Variants in PTPRT observed in about 807,000 individuals in gnomAD.
PTPRT encodes receptor-type tyrosine-protein phosphatase T.
A neutral mutation model predicts 176.8 loss-of-function variants in PTPRT; 56 were observed. The ratio of observed to expected loss-of-function variants is 0.32; its 90% CI spans 0.26 to 0.40. The LOEUF (loss-of-function observed/expected upper bound fraction) is 0.40, where lower values mean the gene tolerates loss of function less well. PTPRT is among the 10% of genes least tolerant of loss of function. The pLI is 1.00. For synonymous variants in PTPRT, 783 were observed against 739.0 expected (o/e 1.06, Z -0.96); for missense variants, 1,540 against 1,908.2 (o/e 0.81, Z 3.60).
chr20:42,275,114 G>T (rs1445752173), intron 13 of PTPRT, among the ~76,000 whole-genome samples: 1 of 152,136 alleles, frequency 6.6e-6, no homozygotes, highest in Non-Finnish European at 1.5e-5. Flanking sequence ...TAAGTGTCAG[G>T]CTTTACTTCT....
At chr20:42,333,598 C>G (rs546691446) in intron 11 of PTPRT, among the ~76,000 whole-genome samples, 2 of 152,050 alleles carry the variant, frequency 1.3e-5, no homozygotes, top group Non-Finnish European at 2.9e-5. Context: ...TCCCAAAGTG[C>G]TGGGATTAGA....
intron 7 of PTPRT, among the ~76,000 whole-genome samples, chr20:42,575,382 G>T (rs6016832): frequency 1.3e-5 from 2 of 152,204 alleles, no homozygotes; most frequent in African/African-American, 4.8e-5. Flanking sequence ...CAAAGTGGCA[G>T]GGCTCAGTTA....
rs555535996 is a variant in PTPRT at position 43,048,721 on chromosome 20, C to A, written c.88+140925G>T. Among the ~76,000 whole-genome samples the A allele has an allele frequency of 8.5e-5, 13 of 152,204 alleles. No individual in the cohort carries two copies. The South Asian group carries it at 2.7e-3, about 32-fold the overall frequency. On this transcript the variant is annotated intron_variant, in intron 1 of 30. Transcript: ENST00000373187. The stretch of plus-strand genomic sequence containing the variant: ...AATGTTTCTGCTTTTATTTTTCTGG[C>A]GATAGTGAATTTCTAATGTATTTTT...
intron 1 of PTPRT, among the ~76,000 whole-genome samples, chr20:43,120,268 C>G (rs2013209589): frequency 7.2e-6 from 1 of 138,778 alleles, no homozygotes; most frequent in Admixed American, 7.7e-5. Flanking sequence ...CCTACCACTT[C>G]CAGATCCAGT....
intron 7 of PTPRT, among the ~76,000 whole-genome samples, chr20:42,568,043 C>G (rs1341225605): frequency 1.3e-5 from 2 of 151,088 alleles, no homozygotes; most frequent in Admixed American, 6.6e-5. Flanking sequence ...GATCTTGGCT[C>G]ACTGCAACCG....
chr20:42,966,569 T>C (rs1025823365), intron 1 of PTPRT: 2 of 152,180 alleles, frequency 1.3e-5, no homozygotes, highest in African/African-American at 4.8e-5. Flanking sequence ...CAACTTATAG[T>C]AGAAACTCTG....
intron 16 of PTPRT, among the ~76,000 whole-genome samples, chr20:42,164,094 T>C (rs6030019): frequency 0.31 from 46,815 of 152,092 alleles, 9,539 homozygotes; most frequent in African/African-American, 0.57. Flanking sequence ...ATGATTTCTA[T>C]GAAAGGATGA....
Position 43,030,505 on chromosome 20 carries a change from CAA to C in PTPRT, c.89-144575_89-144574del, listed in dbSNP as rs35791318. 3.9e-3 allele frequency among the ~76,000 whole-genome samples: 461 copies of C among 119,708 alleles called. 1 individual carries two copies. Among genetic ancestry groups the C allele is most frequent in the African/African-American group, 9.5e-3 (350 of 36,668 alleles). 78.5% of individuals were successfully genotyped at this position (119,708 alleles called of 152,430 possible). A position where few individuals can be genotyped will look rare whatever the true frequency, so the allele number is the denominator to read the frequency against. ...AAAAGGGGGAAAGGGCATTTCAGAA[CAA>C]AAAAAAAAAAAAATGGCATAAGCCA... On this transcript the variant is annotated intron_variant, in intron 1 of 30. Coordinates refer to ENST00000373187, the MANE Select transcript of PTPRT (RefSeq NM_007050.6).
At chr20:42,543,119 A>G (rs6102897) in intron 7 of PTPRT, among the ~76,000 whole-genome samples, 22,485 of 152,184 alleles carry the variant, frequency 0.15, 1,860 homozygotes, top group East Asian at 0.21. Context: ...GTTTTTAAAA[A>G]TAAAACAACA....
intron 7 of PTPRT, among the ~76,000 whole-genome samples, chr20:42,521,280 T>C (rs1005373000): frequency 6.6e-6 from 1 of 152,136 alleles, no homozygotes; most frequent in Non-Finnish European, 1.5e-5. Flanking sequence ...AATTTAGGAC[T>C]ACAAGTTCTC....
the PTPRT span, among the ~76,000 whole-genome samples, chr20:42,059,783 A>AT: frequency 1.3e-5 from 2 of 152,312 alleles, no homozygotes; most frequent in South Asian, 4.2e-4. Flanking sequence ...GAGAAAAGTC[A>AT]TTCCCGAGAA....
chr20:42,744,977 T>TGCTTGGTGGGC (rs1440559891), intron 6 of PTPRT, among the ~76,000 whole-genome samples: 3 of 152,200 alleles, frequency 2.0e-5, no homozygotes, highest in Non-Finnish European at 4.4e-5. Context: ...GAGGCACATG[T>TGCTTGGTGGGC]GCTTGGTGGG....
At chr20:42,225,240 ATCTCTCC>A (rs756518489) in intron 15 of PTPRT, among the ~76,000 whole-genome samples, 2 of 151,376 alleles carry the variant, frequency 1.3e-5, no homozygotes, top group African/African-American at 4.9e-5. Context: ...GTTACAATTG[ATCTCTCC>A]TCTCTCCTCT....
intron 7 of PTPRT, among the ~76,000 whole-genome samples, chr20:42,569,081 A>AATATATAT: frequency 0.017 from 509 of 30,794 alleles, 21 homozygotes; most frequent in Non-Finnish European, 0.021. Flanking sequence ...AAAAAAAAAA[A>AATATATAT]ATATATATAT....
At chr20:42,492,091 T>A (rs2071570101) in intron 7 of PTPRT, among the ~76,000 whole-genome samples, 1 of 152,222 alleles carries the variant, frequency 6.6e-6, no homozygotes, top group Admixed American at 6.5e-5. Flanking sequence ...TTCACTCATT[T>A]AAGGACATTT....
chr20:42,132,096 T>C (rs1988151409), intron 18 of PTPRT, among the ~76,000 whole-genome samples: 1 of 152,216 alleles, frequency 6.6e-6, no homozygotes, highest in Non-Finnish European at 1.5e-5. Flanking sequence ...GGCAGCCTAA[T>C]ACAGTGTTTC....
At chr20:42,678,688 T>C (rs1054432958) in intron 6 of PTPRT, among the ~76,000 whole-genome samples, 1 of 152,226 alleles carries the variant, frequency 6.6e-6, no homozygotes, top group African/African-American at 2.4e-5. Flanking sequence ...AATAGCTATA[T>C]TCAATGCCTA....
At chr20:42,117,074 G>A (rs34817697) in intron 21 of PTPRT, among the ~76,000 whole-genome samples, 2,260 of 152,182 alleles carry the variant, frequency 0.015, 36 homozygotes, top group Admixed American at 0.022. Context: ...GCTGAGTGAC[G>A]TCAGGGTAGG....
chr20:43,022,610 T>G (rs1251997274), intron 1 of PTPRT, among the ~76,000 whole-genome samples: 1 of 152,198 alleles, frequency 6.6e-6, no homozygotes, highest in Non-Finnish European at 1.5e-5. Flanking sequence ...GAGCTGAGCA[T>G]GCTGGGAAGA....
Sources: gnomAD v4.1 joint callset for allele counts (sites outside exome capture counted in the v4.1 genomes callset) on GRCh38, gnomAD v4.1.1 for gene constraint, MANE v1.5 for transcripts, NCBI Gene and HGNC (gene_info 2026-07-23, HGNC 2026-07-21) for gene names.